DSCAML1: variants seen among roughly 807,000 people sequenced by gnomAD.
The protein encoded by DSCAML1 is cell adhesion molecule DSCAML1.
DSCAML1 carries 38 observed loss-of-function variants against 200.5 expected under a neutral mutation model. The ratio of observed to expected loss-of-function variants is 0.19; its 90% CI spans 0.15 to 0.25. The LOEUF (loss-of-function observed/expected upper bound fraction) is 0.25, where lower values mean the gene tolerates loss of function less well. Ranked by LOEUF, DSCAML1 falls within the 10% of genes least tolerant of loss-of-function variation. The pLI is 1.00. For synonymous variants in DSCAML1, 1,215 were observed against 1,165.0 expected (o/e 1.04, Z -0.87); for missense variants, 2,223 against 2,858.8 (o/e 0.78, Z 5.07).
intron 8 of DSCAML1, among the ~76,000 whole-genome samples, chr11:117,506,606 G>A (rs961235934): frequency 6.0e-5 from 9 of 150,066 alleles, no homozygotes; most frequent in African/African-American, 2.2e-4. Flanking sequence ...ACCCAGGCGG[G>A]AGTACAGTGG....
At chr11:117,647,974 C>G (rs1156257965) in intron 3 of DSCAML1, among the ~76,000 whole-genome samples, 2 of 152,230 alleles carry the variant, frequency 1.3e-5, no homozygotes, top group Non-Finnish European at 2.9e-5. Flanking sequence ...AGTAAAGAAG[C>G]AAACTCAGAG....
chr11:117,557,193 G>A (rs2050574258), intron 3 of DSCAML1, among the ~76,000 whole-genome samples: 1 of 152,192 alleles, frequency 6.6e-6, no homozygotes, highest in African/African-American at 2.4e-5. Context: ...GCAGGTGGGG[G>A]ACTTGCAGGA....
chr11:117,460,804 G>A lies in DSCAML1; in HGVS notation c.3412+646C>T, dbSNP rs570003033. Among the ~76,000 whole-genome samples the A allele has an allele frequency of 2.1e-3, 317 of 152,236 alleles. 5 individuals are homozygous for A. The highest frequency in any genetic ancestry group is 7.2e-3 in the African/African-American group (297 of 41,520). ...CTCTGCCCTTCTCTGGATCCCGGGCGGCTTGTCTGCACAGAAAACACGCCT... is the reference window on the plus strand; with the variant it reads ...CTCTGCCCTTCTCTGGATCCCGGGCAGCTTGTCTGCACAGAAAACACGCCT... On this transcript the variant is annotated intron_variant, in intron 18 of 32. Transcript: ENST00000651296.
chr11:117,744,499 C>T (rs889453856), intron 3 of DSCAML1, among the ~76,000 whole-genome samples: 4 of 152,252 alleles, frequency 2.6e-5, no homozygotes, highest in African/African-American at 7.2e-5. Flanking sequence ...TGAGTGAGAC[C>T]TTTACAAGAA....
At position 117,746,148 on chromosome 11, in the gene DSCAML1, G is replaced by T. The variant is rs943493869; in HGVS notation, c.511+30643C>A. On this transcript the variant is annotated intron_variant, in intron 3 of 32. Coordinates refer to ENST00000651296, the MANE Select transcript of DSCAML1 (RefSeq NM_020693.4). ...GAGGCAGGAGAATGGCGTGAACCCGGGAGGCGGAGCTTACAGTGAGCCCAG... is the reference window on the plus strand; with the variant it reads ...GAGGCAGGAGAATGGCGTGAACCCGTGAGGCGGAGCTTACAGTGAGCCCAG... Among the ~76,000 whole-genome samples, 6 of 148,430 alleles carry T rather than the reference G, an allele frequency of 4.0e-5. No individual in the cohort carries two copies. The Admixed American group carries it at 4.1e-4, about 10-fold the overall frequency.
chr11:117,534,134 C>G (rs2050127381), intron 3 of DSCAML1, among the ~76,000 whole-genome samples: 1 of 152,200 alleles, frequency 6.6e-6, no homozygotes, highest in Admixed American at 6.5e-5. Flanking sequence ...CTACCTGAGG[C>G]CTAAGTGACA....
chr11:117,509,283 C>T (rs148477498), intron 8 of DSCAML1, among the ~76,000 whole-genome samples: 1 of 152,194 alleles, frequency 6.6e-6, no homozygotes, highest in East Asian at 1.9e-4. Flanking sequence ...GTGAAGGAGA[C>T]GGAGGAGGCT....
intron 3 of DSCAML1, among the ~76,000 whole-genome samples, chr11:117,743,169 G>A (rs958469092): frequency 6.6e-6 from 1 of 152,204 alleles, no homozygotes; most frequent in Non-Finnish European, 1.5e-5. Context: ...AGGGGAGACA[G>A]AGAAGTCAAT....
At chr11:117,549,471 G>A (rs1424552599) in intron 3 of DSCAML1, among the ~76,000 whole-genome samples, 2 of 152,192 alleles carry the variant, frequency 1.3e-5, no homozygotes, top group African/African-American at 4.8e-5. Flanking sequence ...ATAGACTTCC[G>A]TTCTATCAGT....
intron 3 of DSCAML1, among the ~76,000 whole-genome samples, chr11:117,594,144 T>C (rs1027138130): frequency 6.6e-6 from 1 of 152,174 alleles, no homozygotes; most frequent in South Asian, 2.1e-4. Context: ...GGGCACTCAG[T>C]ATAAACCTCA....
At chr11:117,456,650 C>T (rs1243832087) in intron 19 of DSCAML1, among the ~76,000 whole-genome samples, 2 of 151,150 alleles carry the variant, frequency 1.3e-5, no homozygotes, top group Non-Finnish European at 2.9e-5. Flanking sequence ...GCCCTGATGC[C>T]GCTATCTGAA....
chr11:117,713,412 G>A (rs984052246), intron 3 of DSCAML1, among the ~76,000 whole-genome samples: 9 of 152,054 alleles, frequency 5.9e-5, no homozygotes, highest in East Asian at 1.9e-4. Flanking sequence ...CACCACGTCC[G>A]GCCACCAATG....
chr11:117,506,933 T>A (rs1191118486), intron 8 of DSCAML1, among the ~76,000 whole-genome samples: 1 of 152,124 alleles, frequency 6.6e-6, no homozygotes, highest in Non-Finnish European at 1.5e-5. Context: ...GACAACCAGT[T>A]GGTTAGATGC....
At chr11:117,543,336 CGTGTGTGTACCTGCACTG>C (rs973407689) in intron 3 of DSCAML1, among the ~76,000 whole-genome samples, 43 of 151,774 alleles carry the variant, frequency 2.8e-4, no homozygotes, top group Admixed American at 9.8e-4. Context: ...AACCTGTGCT[CGTGTGTGTACCTGCACTG>C]GTGTGTGTAC....
chr11:117,542,244 C>T (rs999879501), intron 3 of DSCAML1, among the ~76,000 whole-genome samples: 3 of 151,902 alleles, frequency 2.0e-5, no homozygotes, highest in Admixed American at 6.6e-5. Flanking sequence ...AGCAGTGAGC[C>T]GAGATCGCAT....
intron 14 of DSCAML1, among the ~76,000 whole-genome samples, chr11:117,474,791 G>T (rs1381117777): frequency 7.1e-6 from 1 of 141,626 alleles, no homozygotes; most frequent in Non-Finnish European, 1.5e-5. Flanking sequence ...GTCTCGCTCT[G>T]TCGCCCAGGC....
At chr11:117,614,557 C>G (rs2137537648) in intron 3 of DSCAML1, among the ~76,000 whole-genome samples, 1 of 152,344 alleles carries the variant, frequency 6.6e-6, no homozygotes, top group South Asian at 2.1e-4. Context: ...CTTGAATCCC[C>G]TGTTGTTGAT....
intron 5 of DSCAML1, among the ~76,000 whole-genome samples, chr11:117,523,827 C>T (rs771414109): frequency 3.3e-5 from 5 of 152,194 alleles, no homozygotes; most frequent in African/African-American, 4.8e-5. Context: ...CCACTGCCCA[C>T]GTTGAATAAC....
At chr11:117,770,604 G>T (rs991792477) in intron 3 of DSCAML1, among the ~76,000 whole-genome samples, 1 of 151,896 alleles carries the variant, frequency 6.6e-6, no homozygotes, top group Admixed American at 6.6e-5. Context: ...AGAGAAGAGA[G>T]GTCTGAATAA....
Sources: allele counts gnomAD v4.1 joint callset (sites outside exome capture counted in the v4.1 genomes callset), GRCh38; gene constraint gnomAD v4.1.1; transcripts MANE v1.5; gene names NCBI Gene and HGNC (gene_info 2026-07-23, HGNC 2026-07-21).